PSMD6: variants seen among roughly 807,000 people sequenced by gnomAD.
PSMD6 encodes 26S proteasome non-ATPase regulatory subunit 6.
Under a neutral mutation model 44.9 loss-of-function variants are expected in PSMD6, and 7 were observed. That is an observed-to-expected ratio of 0.16 (90% confidence interval 0.09 to 0.29). PSMD6 has a LOEUF of 0.29. Among genes scored for constraint, PSMD6 ranks in the 10% least tolerant of loss-of-function variants. PSMD6 has a pLI of 1.00. For synonymous variants in PSMD6, 184 were observed against 172.7 expected (o/e 1.07, Z -0.51); for missense variants, 420 against 482.6 (o/e 0.87, Z 1.21).
At chr3:64,015,789 T>G (rs1277158755) in intron 5 of PSMD6, 1 of 152,232 alleles carries the variant, frequency 6.6e-6, no homozygotes, top group Non-Finnish European at 1.5e-5. Flanking sequence ...TGATCAGATA[T>G]TAAAGAAAGC....
intron 1 of PSMD6, 144 bp from the exon 2 acceptor site, chr3:64,022,667 T>C (rs528889734): frequency 1.5e-5 from 23 of 1,541,226 alleles, no homozygotes; most frequent in East Asian, 1.5e-4. Flanking sequence ...TGGCGCTTAA[T>C]AATCGGCTTG....
At chr3:64,019,654 A>G (rs2076099387) in intron 2 of PSMD6, 1 of 464,596 alleles carries the variant, frequency 2.2e-6, no homozygotes, top group Admixed American at 4.0e-5. Context: ...TAAAAAATAC[A>G]TAAGAAATGC....
intron 3 of PSMD6, 98 bp from the exon 4 acceptor site, chr3:64,019,135 A>G: frequency 7.1e-7 from 1 of 1,405,754 alleles, no homozygotes; most frequent in Non-Finnish European, 9.8e-7. Flanking sequence ...ACTTTTAACA[A>G]CTTGAACCGA....
intron 2 of PSMD6, among the ~76,000 whole-genome samples, chr3:64,021,472 T>G (rs1412421668): frequency 6.6e-6 from 1 of 152,252 alleles, no homozygotes; most frequent in African/African-American, 2.4e-5. Flanking sequence ...ATTGGTTCTT[T>G]CATTGAGCAT....
In PSMD6 at chr3:64,022,255, C is replaced by G. The variant is rs1435619522; in HGVS notation, c.351+63G>C. ...TAATTTTTTTAATGAGAAACGATTA[C>G]CTGGAATAGTCTCCAATTTTAGCCT... On this transcript the variant is annotated intron_variant, in intron 2 of 7. Transcript: ENST00000295901. 1.9e-6 allele frequency: 3 copies of G among 1,549,052 alleles called. No homozygotes were observed. The East Asian group carries it at 6.7e-5, about 35-fold the overall frequency.
At chr3:64,014,992 G>A (rs1200672765) in intron 5 of PSMD6, 1 of 152,366 alleles carries the variant, frequency 6.6e-6, no homozygotes, top group Non-Finnish European at 1.5e-5. Flanking sequence ...AGAACCAAGA[G>A]AAAGCTGTGG....
chr3:64,011,400 T>C (rs975008786), intron 6 of PSMD6: 1 of 152,544 alleles, frequency 6.6e-6, no homozygotes, highest in African/African-American at 2.4e-5. Context: ...CTCTAACATA[T>C]CTTAGTCTAA....
rs138632308 is a variant in PSMD6 at position 64,022,209 on chromosome 3, A to G, written c.351+109T>C. On this transcript the variant is annotated intron_variant, in intron 2 of 7. Coordinates refer to ENST00000295901, the MANE Select transcript of PSMD6 (RefSeq NM_014814.3). ...AGTACAAGCAAGCATGATTACCTTT[A>G]TACTTTTTCTAAAACGAAGTTAATT... The G allele has an allele frequency of 1.4e-4, 176 of 1,233,052 alleles. No individual in the cohort carries two copies. The East Asian group carries it at 3.3e-3, about 23-fold the overall frequency. 76.4% of individuals were successfully genotyped at this position (1,233,052 alleles called of 1,614,324 possible).
Position 64,016,287 on chromosome 3 carries a change from A to G in PSMD6, c.826+2312T>C, listed in dbSNP as rs1160125523. 7.9e-5 allele frequency: 12 copies of G among 152,280 alleles called. 1 individual carries two copies. In the East Asian group the frequency reaches 2.1e-3, roughly 27 times the overall value. 9.4% of individuals were successfully genotyped at this position (152,280 alleles called of 1,614,324 possible). ...ATTTTATATGTGAGTGAATGTGTGTATGGATTTGGGGGTGAGGTGAGATAC... is the reference window on the plus strand; with the variant it reads ...ATTTTATATGTGAGTGAATGTGTGTGTGGATTTGGGGGTGAGGTGAGATAC... On this transcript the variant is annotated intron_variant, in intron 5 of 7. Coordinates refer to ENST00000295901, the MANE Select transcript of PSMD6 (RefSeq NM_014814.3).
chr3:64,012,042 G>T (rs1043570197), intron 6 of PSMD6: 22 of 122,798 alleles, frequency 1.8e-4, no homozygotes, highest in Non-Finnish European at 3.3e-4. Context: ...CTTCCATTTT[G>T]GTAGGGATCA....
chr3:64,013,970 C>T (rs1385956520), intron 5 of PSMD6: 3 of 164,020 alleles, frequency 1.8e-5, no homozygotes, highest in African/African-American at 7.2e-5. Context: ...AACAGAGAAA[C>T]AGCAGGTACA....
rs565613115 is a variant in PSMD6, at chr3:64,022,918, G to C, written c.145+357C>G. On this transcript the variant is annotated intron_variant, in intron 1 of 7. Transcript: ENST00000295901. ...ACCCAAATTTCCCTTCCACAGGCAA[G>C]CTGAACTCTCCCACAGGAATACCCC... 86 of 1,460,760 alleles carry C rather than the reference G, an allele frequency of 5.9e-5. No homozygotes were observed. The East Asian group carries it at 2.0e-3, about 33-fold the overall frequency. The allele number at this position is 1,460,760 out of a possible 1,614,324, so 90.5% of individuals were successfully genotyped here.
chr3:64,018,617 C>T lies in PSMD6; in HGVS notation c.808G>A (p.Val270Ile). Residue 270 changes from valine to isoleucine, a missense_variant, in exon 5 of 8, where the codon GTT (valine) becomes ATT (isoleucine). Val to Ile is a conservative substitution (Grantham distance 29). Coordinates refer to ENST00000295901, the MANE Select transcript of PSMD6 (RefSeq NM_014814.3). ...LFSLYECRYS[V>I]FFQSLAVVEQ... ...TCCTTACCTAATGATTGGAAGAAAA[C>T]AGAGTAACGGCATTCATAGAGTGAA... The T allele has an allele frequency of 6.4e-7, 1 of 1,574,314 alleles. No homozygotes were observed. The highest frequency in any genetic ancestry group is 8.7e-7 in the Non-Finnish European group (1 of 1,144,286).
At chr3:64,022,295 G>A (rs202177408) in intron 2 of PSMD6, 23 bp downstream of exon 2, 19 of 1,612,702 alleles carry the variant, frequency 1.2e-5, no homozygotes, top group Admixed American at 1.7e-5. Context: ...TAACTACAGA[G>A]AGGGAAAACC....
In PSMD6 at chr3:64,019,458, G is replaced by T. The variant is rs770516754; in HGVS notation, c.352-17C>A. ...AGCTCCCTCCTGTCAAGAAAGCCAAGGCAATAGGTGAGAAAAGGCTACAAG... is the reference window on the plus strand; with the variant it reads ...AGCTCCCTCCTGTCAAGAAAGCCAATGCAATAGGTGAGAAAAGGCTACAAG... On this transcript the variant is annotated splice_polypyrimidine_tract_variant and intron_variant, in intron 2 of 7. Transcript: ENST00000295901. 8.1e-6 allele frequency: 13 copies of T among 1,601,308 alleles called. No individual in the cohort carries two copies. The highest frequency in any genetic ancestry group is 3.6e-5 in the Admixed American group (2 of 56,036).
chr3:64,023,028 A>T, intron 1 of PSMD6: 1 of 1,425,158 alleles, frequency 7.0e-7, no homozygotes, highest in Non-Finnish European at 9.1e-7. Flanking sequence ...ATGCCTCACG[A>T]TTCTCCCCCA....
Position 64,011,890 on chromosome 3 carries a change from GC to G in PSMD6, c.996-936del, listed in dbSNP as rs1487754230. On this transcript the variant is annotated intron_variant, in intron 6 of 7. Coordinates refer to ENST00000295901, the MANE Select transcript of PSMD6 (RefSeq NM_014814.3). ...TTTTCTCATGCACTGCTCACAACAA[GC>G]CCCTCCTTCCACTGACTCATGAAAA... 15 of 152,504 alleles carry G rather than the reference GC, an allele frequency of 9.8e-5. No individual in the cohort carries two copies. In the East Asian group the frequency reaches 2.7e-3, roughly 27 times the overall value. The allele number at this position is 152,504 out of a possible 1,614,324, so 9.4% of individuals were successfully genotyped here.
rs775064762 is a variant in PSMD6 at position 64,013,492 on chromosome 3, T to C, written c.942A>G (p.Leu314=). ...YSQLLESYRS[L]TLGYMAEAFG... is the part of the protein sequence containing the mutation. ...ACGCTTCTGCCATATAGCCAAGGGTTAATGACCTATATGATTCCAGCAGCT... is the reference window on the plus strand; with the variant it reads ...ACGCTTCTGCCATATAGCCAAGGGTCAATGACCTATATGATTCCAGCAGCT... Residue 314 remains leucine (L), a synonymous_variant, in exon 6 of 8, where the codon TTA becomes TTG. Coordinates refer to ENST00000295901, the MANE Select transcript of PSMD6 (RefSeq NM_014814.3). 6 of 1,613,124 alleles carry C rather than the reference T, an allele frequency of 3.7e-6. No homozygotes were observed. The South Asian group carries it at 5.5e-5, about 15-fold the overall frequency.
chr3:64,013,887 C>T (rs2076002730), intron 5 of PSMD6: 1 of 282,020 alleles, frequency 3.5e-6, no homozygotes, highest in South Asian at 1.4e-4. Flanking sequence ...AGTTCACGTA[C>T]TAATATTTTA....
Sources: gnomAD v4.1 joint callset for allele counts (sites outside exome capture counted in the v4.1 genomes callset) on GRCh38, gnomAD v4.1.1 for gene constraint, MANE v1.5 for transcripts, NCBI Gene and HGNC (gene_info 2026-07-23, HGNC 2026-07-21) for gene names.